IGF2BP3: variants seen among roughly 807,000 people sequenced by gnomAD.
The protein encoded by IGF2BP3 is insulin-like growth factor 2 mRNA-binding protein 3.
Under a neutral mutation model 73.8 loss-of-function variants are expected in IGF2BP3, and 9 were observed. That is an observed-to-expected ratio of 0.12 (90% CI 0.07 to 0.21). IGF2BP3 has a LOEUF of 0.21. Among genes scored for constraint, IGF2BP3 ranks in the 10% least tolerant of loss-of-function variants. IGF2BP3 has a pLI of 1.00. For missense variants in IGF2BP3, 542 were observed against 714.0 expected, an observed-to-expected ratio of 0.76 and a Z score of 2.75; for synonymous variants, 258 against 256.7, an observed-to-expected ratio of 1.01 and a Z score of -0.05.
chr7:23,468,365 G>GAAC, intron 2 of IGF2BP3, 117 bp downstream of exon 2: 1 of 1,023,040 alleles, frequency 9.8e-7, no homozygotes, highest in Admixed American at 1.8e-5. Context: ...TTAAAGACCG[G>GAAC]AACACCACGC....
intron 2 of IGF2BP3, among the ~76,000 whole-genome samples, chr7:23,440,152 A>G (rs1013183520): frequency 1.6e-4 from 25 of 152,164 alleles, no homozygotes; most frequent in African/African-American, 5.3e-4. Flanking sequence ...AGTCCCAGCT[A>G]CTCGGGAGGC....
chr7:23,329,802 G>T (rs760487628), intron 10 of IGF2BP3, among the ~76,000 whole-genome samples: 3 of 152,188 alleles, frequency 2.0e-5, no homozygotes, highest in African/African-American at 7.2e-5. Flanking sequence ...CCCCACAACA[G>T]ATCCAATTTC....
At chr7:23,402,015 G>A (rs148907908) in intron 3 of IGF2BP3, among the ~76,000 whole-genome samples, 2,418 of 151,764 alleles carry the variant, frequency 0.016, 79 homozygotes, top group African/African-American at 0.056. Context: ...TACTCGGGAG[G>A]CTGAGGCATG....
At chr7:23,431,154 C>T (rs1303680892) in intron 2 of IGF2BP3, 1 of 152,172 alleles carries the variant, frequency 6.6e-6, no homozygotes, top group Non-Finnish European at 1.5e-5. Context: ...GAAGAGAGAG[C>T]ATTACGATAC....
chr7:23,392,496 ACACATATG>A (rs1021783588), intron 3 of IGF2BP3, among the ~76,000 whole-genome samples: 5 of 151,220 alleles, frequency 3.3e-5, no homozygotes, highest in Admixed American at 6.6e-5. Context: ...ACACACATAC[ACACATATG>A]CACATATATA....
intron 2 of IGF2BP3, among the ~76,000 whole-genome samples, chr7:23,441,060 T>C (rs1476089799): frequency 6.6e-6 from 1 of 152,086 alleles, no homozygotes; most frequent in Non-Finnish European, 1.5e-5. Context: ...CAGAAAAGAA[T>C]AGCAAATAAT....
At chr7:23,453,822 G>C (rs1029299054) in intron 2 of IGF2BP3, among the ~76,000 whole-genome samples, 4 of 152,090 alleles carry the variant, frequency 2.6e-5, no homozygotes, top group Admixed American at 2.6e-4. Flanking sequence ...CTAATAACTA[G>C]TTAGACAAGG....
intron 3 of IGF2BP3, among the ~76,000 whole-genome samples, chr7:23,412,184 T>C (rs1193463452): frequency 6.6e-6 from 1 of 152,090 alleles, no homozygotes; most frequent in African/African-American, 2.4e-5. Context: ...GGTTTTGCCA[T>C]GTTGGCCAGG....
intron 3 of IGF2BP3, among the ~76,000 whole-genome samples, chr7:23,365,027 G>C (rs1380491780): frequency 6.6e-6 from 1 of 152,088 alleles, no homozygotes; most frequent in Non-Finnish European, 1.5e-5. Context: ...TTAGCCTGCA[G>C]TGGTGGCGCA....
chr7:23,323,108 T>G (rs1784203776), intron 10 of IGF2BP3, among the ~76,000 whole-genome samples: 1 of 152,098 alleles, frequency 6.6e-6, no homozygotes, highest in Non-Finnish European at 1.5e-5. Context: ...AATGCTCCAA[T>G]TAAAAGACAC....
chr7:23,389,926 T>C (rs544209030), intron 3 of IGF2BP3, among the ~76,000 whole-genome samples: 1 of 151,600 alleles, frequency 6.6e-6, no homozygotes, highest in South Asian at 2.1e-4. Context: ...CAGTGAGCCG[T>C]GACTGAGCCA....
chr7:23,338,241 C>T (rs1038960213), intron 10 of IGF2BP3, among the ~76,000 whole-genome samples: 8 of 152,072 alleles, frequency 5.3e-5, no homozygotes, highest in South Asian at 2.1e-4. Flanking sequence ...AAGGGATATA[C>T]ACAACTAGTA....
At chr7:23,359,393 A>G (rs1785170587) in intron 5 of IGF2BP3, among the ~76,000 whole-genome samples, 1 of 152,224 alleles carries the variant, frequency 6.6e-6, no homozygotes, top group African/African-American at 2.4e-5. Context: ...CTAATTAACT[A>G]TTAAATAAGC....
chr7:23,442,062 G>A (rs573120085), intron 2 of IGF2BP3, among the ~76,000 whole-genome samples: 66 of 152,336 alleles, frequency 4.3e-4, no homozygotes, highest in African/African-American at 1.6e-3. Context: ...GGGAGGCAGA[G>A]GCTGCAGTCA....
chr7:23,340,516 A>C (rs1041481150), intron 10 of IGF2BP3, among the ~76,000 whole-genome samples: 1 of 152,198 alleles, frequency 6.6e-6, no homozygotes, highest in Non-Finnish European at 1.5e-5. Flanking sequence ...TCTAGGTAGT[A>C]ATACAGTGGA....
rs1310181481 is a variant in IGF2BP3, at chr7:23,366,240, C to T, written c.286-4499G>A. ...GCAACGTCTGCCTCCCAGGTTCAAG[C>T]GATTCTCCTGCCTCAGCCTCCCAAG... is the stretch of plus-strand genomic sequence containing the variant. On this transcript the variant is annotated intron_variant, in intron 3 of 14. Coordinates refer to ENST00000258729, the MANE Select transcript of IGF2BP3 (RefSeq NM_006547.3). Among the ~76,000 whole-genome samples the T allele has an allele frequency of 4.0e-5, 6 of 151,784 alleles. 1 individual carries two copies. The South Asian group carries it at 6.2e-4, about 16-fold the overall frequency.
At chr7:23,405,767 T>C (rs1270817011) in intron 3 of IGF2BP3, among the ~76,000 whole-genome samples, 2 of 152,070 alleles carry the variant, frequency 1.3e-5, no homozygotes, top group African/African-American at 2.4e-5. Flanking sequence ...TCCCCAACCA[T>C]GAAAAAATTG....
At chr7:23,341,628 C>T (rs2128501111) in intron 10 of IGF2BP3, among the ~76,000 whole-genome samples, 2 of 152,288 alleles carry the variant, frequency 1.3e-5, no homozygotes, top group East Asian at 3.9e-4. Flanking sequence ...CAAGATTGTG[C>T]CACTGCATTC....
chr7:23,397,382 C>A (rs919565670), intron 3 of IGF2BP3, among the ~76,000 whole-genome samples: 1 of 152,146 alleles, frequency 6.6e-6, no homozygotes, highest in African/African-American at 2.4e-5. Flanking sequence ...AGGAGAGCAC[C>A]GTGTTGTCAA....
Sources: gnomAD v4.1 joint callset for allele counts (sites outside exome capture counted in the v4.1 genomes callset) on GRCh38, gnomAD v4.1.1 for gene constraint, MANE v1.5 for transcripts, NCBI Gene and HGNC (gene_info 2026-07-23, HGNC 2026-07-21) for gene names.